The following SYN2 variants were observed in gnomAD, a reference collection of about 807,000 sequenced individuals.
SYN2 encodes synapsin-2.
A neutral mutation model predicts 50.9 loss-of-function variants in SYN2; 19 were observed. The observed-to-expected ratio is 0.37, with a 90% CI of 0.26 to 0.55. SYN2 has a LOEUF of 0.55. Among genes scored for constraint, SYN2 ranks in the 20% least tolerant of loss-of-function variants. The pLI is 0.81. For missense variants in SYN2, 587 were observed against 576.4 expected, an observed-to-expected ratio of 1.02 and a Z score of -0.19; for synonymous variants, 255 against 224.9, an observed-to-expected ratio of 1.13 and a Z score of -1.20.
intron 1 of SYN2, among the ~76,000 whole-genome samples, chr3:12,009,349 A>T (rs1693869867): frequency 6.6e-6 from 1 of 151,564 alleles, no homozygotes; most frequent in South Asian, 2.1e-4. Context: ...TTTTTTCCCA[A>T]CTCTACCACA....
chr3:12,084,854 T>TA (rs1166800813), intron 1 of SYN2, among the ~76,000 whole-genome samples: 2 of 152,104 alleles, frequency 1.3e-5, no homozygotes, highest in Admixed American at 1.3e-4. Context: ...ATGTAAGCCT[T>TA]ACGGTAACCA....
intron 1 of SYN2, among the ~76,000 whole-genome samples, chr3:12,135,238 G>A (rs1241110695): frequency 1.3e-5 from 2 of 152,164 alleles, no homozygotes; most frequent in South Asian, 2.1e-4. Context: ...GGCGGCCGGC[G>A]CTCACAAACT....
intron 1 of SYN2, among the ~76,000 whole-genome samples, chr3:12,057,542 T>TA (rs1695021905): frequency 1.3e-5 from 2 of 152,198 alleles, no homozygotes; most frequent in African/African-American, 2.4e-5. Context: ...AAATTTGGAT[T>TA]AGACATGCCT....
intron 1 of SYN2, among the ~76,000 whole-genome samples, chr3:12,018,613 T>C (rs1014696804): frequency 6.6e-6 from 1 of 152,210 alleles, no homozygotes; most frequent in Non-Finnish European, 1.5e-5. Context: ...AAAAGGCCAA[T>C]GAACAGCGCC....
In SYN2 at chr3:12,190,967, C is replaced by T. The variant is rs979232016; in HGVS notation, c.*342C>T. 24 of 1,042,848 alleles carry T rather than the reference C, an allele frequency of 2.3e-5. No individual in the cohort carries two copies. Among genetic ancestry groups the T allele is most frequent in the Non-Finnish European group, 2.2e-5 (19 of 867,926 alleles). The allele number at this position is 1,042,848 out of a possible 1,614,324, so 64.6% of individuals were successfully genotyped here. A position where few individuals can be genotyped will look rare whatever the true frequency, so the allele number is the denominator to read the frequency against. ...TCTTCCCTGTGAAACCAGGATTAATCGTGGACTCCTGGCAGCTTAACCTAG... is the reference window on the plus strand; with the variant it reads ...TCTTCCCTGTGAAACCAGGATTAATTGTGGACTCCTGGCAGCTTAACCTAG... On this transcript the variant is annotated 3_prime_UTR_variant, in exon 13 of 13. Transcript: ENST00000621198.
intron 1 of SYN2, among the ~76,000 whole-genome samples, chr3:12,063,924 C>T (rs1695161098): frequency 1.3e-5 from 2 of 151,968 alleles, no homozygotes. Context: ...TATAACTTCC[C>T]ACCCCTTAAG....
At chr3:12,075,721 C>T (rs1315057275) in intron 1 of SYN2, among the ~76,000 whole-genome samples, 1 of 152,000 alleles carries the variant, frequency 6.6e-6, no homozygotes, top group African/African-American at 2.4e-5. Context: ...CTGTATATGA[C>T]CAGTGATTTA....
chr3:12,128,275 T>C (rs1272508790), intron 1 of SYN2, among the ~76,000 whole-genome samples: 1 of 152,188 alleles, frequency 6.6e-6, no homozygotes, highest in African/African-American at 2.4e-5. Flanking sequence ...ATACTTGATC[T>C]CACAAGCGCT....
chr3:12,067,935 A>G (rs1378146277), intron 1 of SYN2, among the ~76,000 whole-genome samples: 5 of 152,098 alleles, frequency 3.3e-5, no homozygotes, highest in East Asian at 1.9e-4. Context: ...GTGCATGCCT[A>G]TAGTCCCAGC....
At position 12,169,865 on chromosome 3, in the gene SYN2, G is replaced by C; in HGVS notation, c.1267G>C (p.Ala423Pro). Residue 423 changes from alanine (A) to proline (P), a missense_variant, in exon 10 of 13, where the codon GCC (alanine) becomes CCC (proline). By Grantham distance (27) the Ala-to-Pro change is conservative. Coordinates refer to ENST00000621198, the MANE Select transcript of SYN2 (RefSeq NM_133625.6). The stretch of plus-strand genomic sequence containing the variant: ...GAACCAGCTGCTGTCCAGGACTCCT[G>C]CCCTGTCTCCTCAGAGACCCCTAAC... ...KMNQLLSRTP[A>P]LSPQRPLTTQ... The C allele has an allele frequency of 6.2e-7, 1 of 1,612,972 alleles. No individual in the cohort carries two copies. Among genetic ancestry groups the C allele is most frequent in the African/African-American group, 1.3e-5 (1 of 75,008 alleles).
intron 1 of SYN2, among the ~76,000 whole-genome samples, chr3:12,134,921 G>C (rs1003967699): frequency 1.4e-4 from 22 of 152,126 alleles, no homozygotes; most frequent in African/African-American, 5.3e-4. Context: ...TATCACTAAT[G>C]GTTGCCAATT....
rs1249093445 is a variant in SYN2 at position 12,191,602 on chromosome 3, T to C, written c.*977T>C. Among the ~76,000 whole-genome samples, 1 of 152,136 alleles carries C rather than the reference T, an allele frequency of 6.6e-6. No individual in the cohort carries two copies. The highest frequency in any genetic ancestry group is 1.5e-5 in the Non-Finnish European group (1 of 68,016). On this transcript the variant is annotated 3_prime_UTR_variant, in exon 13 of 13. Transcript: ENST00000621198. ...AGTGTTTGAGAATGTGTCTGTCCTT[T>C]ACATACCACTTCTGGGCCTCCTCGC...
chr3:12,047,993 T>TA (rs1694777436), intron 1 of SYN2, among the ~76,000 whole-genome samples: 1 of 152,212 alleles, frequency 6.6e-6, no homozygotes, highest in Admixed American at 6.5e-5. Context: ...CTCTACAAGT[T>TA]ACGTACGTTG....
chr3:12,027,976 ACTT>A (rs1167812789), intron 1 of SYN2, among the ~76,000 whole-genome samples: 8 of 142,440 alleles, frequency 5.6e-5, no homozygotes, highest in Non-Finnish European at 7.5e-5. Flanking sequence ...ACTGTGCTCT[ACTT>A]CTTTTTTTTA....
At chr3:12,142,975 G>A (rs1240656096) in intron 3 of SYN2, among the ~76,000 whole-genome samples, 1 of 152,194 alleles carries the variant, frequency 6.6e-6, no homozygotes, top group African/African-American at 2.4e-5. Context: ...ATGTCCATCC[G>A]GGTGGGGAGT....
chr3:12,063,004 C>T (rs1259358394), intron 1 of SYN2, among the ~76,000 whole-genome samples: 1 of 151,726 alleles, frequency 6.6e-6, no homozygotes, highest in Non-Finnish European at 1.5e-5. Context: ...CTACATGAGT[C>T]CAATTATATG....
At chr3:12,052,932 C>T (rs1434511719) in intron 1 of SYN2, among the ~76,000 whole-genome samples, 1 of 152,146 alleles carries the variant, frequency 6.6e-6, no homozygotes, top group Non-Finnish European at 1.5e-5. Flanking sequence ...TGCTGGTTCC[C>T]ATATCTCTTC....
chr3:12,168,776 A>C (rs1413052196), intron 9 of SYN2, among the ~76,000 whole-genome samples: 1 of 152,204 alleles, frequency 6.6e-6, no homozygotes, highest in African/African-American at 2.4e-5. Context: ...CAGGTGAGGA[A>C]ACTGAGGCCT....
chr3:12,008,925 A>G (rs1322674283), intron 1 of SYN2, among the ~76,000 whole-genome samples: 1 of 152,210 alleles, frequency 6.6e-6, no homozygotes, highest in Admixed American at 6.5e-5. Context: ...TGCGTTATCT[A>G]GGCGGTACCT....
Sources: gnomAD v4.1 joint callset for allele counts (sites outside exome capture counted in the v4.1 genomes callset) on GRCh38, gnomAD v4.1.1 for gene constraint, MANE v1.5 for transcripts, NCBI Gene and HGNC (gene_info 2026-07-23, HGNC 2026-07-21) for gene names.